The following CILK1 variants were observed in gnomAD, a reference collection of about 807,000 sequenced individuals.
The protein encoded by CILK1 is ciliogenesis associated kinase 1.
A neutral mutation model predicts 79.2 loss-of-function variants in CILK1; 47 were observed. The observed-to-expected ratio is 0.59, with a 90% CI of 0.47 to 0.76. The LOEUF (loss-of-function observed/expected upper bound fraction) is 0.76, where lower values mean the gene tolerates loss of function less well. CILK1 is among the 30% of genes least tolerant of loss of function. The pLI is 0.00. For synonymous variants in CILK1, 266 were observed against 275.9 expected (o/e 0.96, Z 0.36); for missense variants, 660 against 769.5 (o/e 0.86, Z 1.68).
At chr6:53,021,620 CT>C (rs1765250600) in intron 5 of CILK1, among the ~76,000 whole-genome samples, 1 of 152,084 alleles carries the variant, frequency 6.6e-6, no homozygotes, top group African/African-American at 2.4e-5. Flanking sequence ...TCAGGTGCAA[CT>C]CCTCATTCTT....
intron 2 of CILK1, among the ~76,000 whole-genome samples, chr6:53,038,685 A>C (rs574187865): frequency 2.6e-5 from 4 of 152,340 alleles, no homozygotes; most frequent in African/African-American, 9.6e-5. Flanking sequence ...CTATAAGTGA[A>C]ATTTTATTGG....
intron 1 of CILK1, among the ~76,000 whole-genome samples, chr6:53,050,367 T>TA (rs1028750390): frequency 1.1e-4 from 17 of 151,552 alleles, no homozygotes; most frequent in African/African-American, 3.4e-4. Flanking sequence ...TACAATTTGT[T>TA]AAAAAAAAGA....
Position 53,041,146 on chromosome 6 carries a change from C to T in CILK1, c.91G>A (p.Ala31Thr), listed in dbSNP as rs1391468853. 7.5e-6 allele frequency: 12 copies of T among 1,609,940 alleles called. No homozygotes were observed. The highest frequency in any genetic ancestry group is 1.3e-5 in the African/African-American group (1 of 74,838). ...GRSIESGELI[A>T]IKKMKRKFYS... ...AAGGATCAAACTTACTTTTTAATAGCGATCAGCTCCCCAGACTCAATGCTT... is the reference window on the plus strand; with the variant it reads ...AAGGATCAAACTTACTTTTTAATAGTGATCAGCTCCCCAGACTCAATGCTT... Residue 31 changes from alanine to threonine, a missense_variant, in exon 2 of 14, where the codon GCT (alanine) becomes ACT (threonine). Transcript: ENST00000676107.
At position 53,041,185 on chromosome 6, in the gene CILK1, C is replaced by T. The variant is rs538918229; in HGVS notation, c.52G>A (p.Val18Ile). The change falls in exon 2 of 14, where the codon GTC (valine) becomes ATC (isoleucine). Residue 18 changes from valine to isoleucine, a missense_variant. Val to Ile is a conservative substitution (Grantham distance 29, BLOSUM62 3). Transcript: ENST00000676107. ...GACTCAATGCTTCTTCCCAGCAGGA[C>T]GGAACCGTAGGTTCCATCCCCGAGC... ...RQLGDGTYGSVLLGRSIESGE... is the reference protein window; with the variant it reads ...RQLGDGTYGSILLGRSIESGE... 17 of 1,613,996 alleles carry T rather than the reference C, an allele frequency of 1.1e-5. No homozygotes were observed. Among genetic ancestry groups the T allele is most frequent in the South Asian group, 9.9e-5 (9 of 91,076 alleles).
rs574352865 is a variant in CILK1, at chr6:53,058,770, A to C, written c.-173+2826T>G. On this transcript the variant is annotated intron_variant, in intron 1 of 13. Coordinates refer to ENST00000676107, the MANE Select transcript of CILK1 (RefSeq NM_014920.5). ...CATTATATCCAGAATTCTCCCAAGG[A>C]ACCACCAGGCAAATACACACACTCA... Among the ~76,000 whole-genome samples, 3 of 152,228 alleles carry C rather than the reference A, an allele frequency of 2.0e-5. No homozygotes were observed. In the South Asian group the frequency reaches 6.2e-4, roughly 32 times the overall value.
intron 5 of CILK1, among the ~76,000 whole-genome samples, chr6:53,025,023 G>C (rs912890762): frequency 6.6e-6 from 1 of 151,874 alleles, no homozygotes; most frequent in African/African-American, 2.4e-5. Context: ...AGTAGAGACA[G>C]GATTTTGCCA....
chr6:53,031,701 T>C (rs1050188802), intron 4 of CILK1, among the ~76,000 whole-genome samples: 1 of 152,212 alleles, frequency 6.6e-6, no homozygotes, highest in African/African-American at 2.4e-5. Context: ...GAAATAAACC[T>C]AGAACTTTTC....
chr6:53,009,989 C>T (rs1388155656), intron 11 of CILK1, among the ~76,000 whole-genome samples: 1 of 152,238 alleles, frequency 6.6e-6, no homozygotes, highest in Non-Finnish European at 1.5e-5. Flanking sequence ...CTCACCCGAC[C>T]TGGACCATTA....
At chr6:53,017,076 T>C (rs1180674160) in intron 7 of CILK1, among the ~76,000 whole-genome samples, 1 of 152,222 alleles carries the variant, frequency 6.6e-6, no homozygotes, top group Non-Finnish European at 1.5e-5. Context: ...AAAAATGGTA[T>C]AATGCAGAGT....
chr6:53,050,978 A>G (rs1281470710), intron 1 of CILK1, among the ~76,000 whole-genome samples: 1 of 152,202 alleles, frequency 6.6e-6, no homozygotes, highest in East Asian at 1.9e-4. Context: ...GTACTGAGAT[A>G]TAAGATCCAC....
At chr6:53,044,411 T>G (rs147974321) in intron 1 of CILK1, among the ~76,000 whole-genome samples, 14 of 152,184 alleles carry the variant, frequency 9.2e-5, no homozygotes, top group African/African-American at 3.4e-4. Flanking sequence ...TAGATAAAAA[T>G]ATTTATCTGT....
Position 53,002,965 on chromosome 6 carries a change from T to C in CILK1, c.*2184A>G, listed in dbSNP as rs1764013595. 6.6e-6 allele frequency: 1 copy of C among 152,630 alleles called. No individual in the cohort carries two copies. The highest frequency in any genetic ancestry group is 2.4e-5 in the African/African-American group (1 of 41,452). The allele number at this position is 152,630 out of a possible 1,614,324, so 9.5% of individuals were successfully genotyped here. A position where few individuals can be genotyped will look rare whatever the true frequency, so the allele number is the denominator to read the frequency against. ...AATATTTACAATTTAAAACCTGCTT[T>C]CCAGCAAGCTGGGCCAGGTTTCACA... On this transcript the variant is annotated 3_prime_UTR_variant, in exon 14 of 14. Coordinates refer to ENST00000676107, the MANE Select transcript of CILK1 (RefSeq NM_014920.5).
chr6:53,041,091 G>C (rs1007570226), intron 2 of CILK1, 45 bp downstream of exon 2: 2 of 1,269,812 alleles, frequency 1.6e-6, no homozygotes, highest in East Asian at 4.6e-5. Context: ...GGGTAATGGT[G>C]AGGGTAGAGT....
chr6:53,014,070 A>G, intron 8 of CILK1, 88 bp from the exon 9 acceptor site: 8 of 1,036,320 alleles, frequency 7.7e-6, no homozygotes, highest in Non-Finnish European at 1.0e-5. Context: ...CATTGTGACC[A>G]GTTTACTACT....
chr6:53,005,781 G>A (rs923170224), intron 13 of CILK1, among the ~76,000 whole-genome samples: 4 of 151,978 alleles, frequency 2.6e-5, no homozygotes, highest in Non-Finnish European at 5.9e-5. Flanking sequence ...AGCCCTCCAG[G>A]GACTCCACGT....
chr6:53,051,839 G>A (rs569106967), intron 1 of CILK1, among the ~76,000 whole-genome samples: 2 of 152,194 alleles, frequency 1.3e-5, no homozygotes, highest in Non-Finnish European at 2.9e-5. Context: ...TTCATTCAAA[G>A]TTGGGTGTTT....
chr6:53,007,413 T>G (rs1477328212), intron 12 of CILK1, among the ~76,000 whole-genome samples: 2 of 152,184 alleles, frequency 1.3e-5, no homozygotes, highest in East Asian at 3.8e-4. Context: ...AAAAAACTTA[T>G]AGTCAATAAA....
Position 53,013,686 on chromosome 6 carries a change from G to A in CILK1, c.1128C>T (p.Ser376=). 6.2e-7 allele frequency: 1 copy of A among 1,614,110 alleles called. No homozygotes were observed. The highest frequency in any genetic ancestry group is 1.1e-5 in the South Asian group (1 of 91,080). ...CCGACTGTGGATGCTTGTTGTGGAG[G>A]GATGGGAAAAGCAACGGGCTTGGCT... ...EDKPSPLLFP[S]LHNKHPQSKI... is the part of the protein sequence containing the mutation. The change falls in exon 9 of 14, where the codon TCC becomes TCT. Residue 376 remains serine (S), a synonymous_variant. Transcript: ENST00000676107.
chr6:53,038,780 T>C (rs1766517917), intron 2 of CILK1, among the ~76,000 whole-genome samples: 1 of 152,164 alleles, frequency 6.6e-6, no homozygotes, highest in Admixed American at 6.5e-5. Flanking sequence ...CAAGAGACCA[T>C]ATGGCCTGTG....
Sources: gnomAD v4.1 joint callset for allele counts (sites outside exome capture counted in the v4.1 genomes callset) on GRCh38, gnomAD v4.1.1 for gene constraint, MANE v1.5 for transcripts, NCBI Gene and HGNC (gene_info 2026-07-23, HGNC 2026-07-21) for gene names.